Variants in COL17A1 observed in about 807,000 individuals in gnomAD.
COL17A1 encodes collagen type XVII alpha 1 chain.
COL17A1 carries 181 observed loss-of-function variants against 218.4 expected under a neutral mutation model. The observed-to-expected ratio is 0.83, with a 90% CI of 0.73 to 0.94. The LOEUF (loss-of-function observed/expected upper bound fraction) is 0.94. COL17A1 is among the 40% of genes least tolerant of loss of function. The probability of loss-of-function intolerance (pLI) is 0.00; values close to 1 mark genes in which losing one functional copy is unlikely to be tolerated. For missense variants in COL17A1, 1,924 were observed against 1,945.9 expected (o/e 0.99, Z 0.21); for synonymous variants, 721 against 731.0 (o/e 0.99, Z 0.22).
rs1414370355 is a variant in COL17A1 at position 104,034,057 on chromosome 10, C to T, written c.4044G>A (p.Gly1348=). ...GTDIGPGGGY[G]AAAEGGMYAG... ...CATACATGCCGCCTTCTGCTGCTGC[C>T]CCATAGCCTCCGCCTGGGCCGATGT... is the stretch of plus-strand genomic sequence containing the variant. Residue 1348 remains glycine (G), a synonymous_variant, in exon 52 of 56, where the codon GGG becomes GGA. Coordinates refer to ENST00000648076, the MANE Select transcript of COL17A1 (RefSeq NM_000494.4). 1.2e-6 allele frequency: 2 copies of T among 1,614,142 alleles called. No individual in the cohort carries two copies. Among genetic ancestry groups the T allele is most frequent in the South Asian group, 1.1e-5 (1 of 91,092 alleles).
intron 3 of COL17A1, among the ~76,000 whole-genome samples, chr10:104,078,300 T>C (rs1415422715): frequency 6.6e-6 from 1 of 152,152 alleles, no homozygotes; most frequent in Non-Finnish European, 1.5e-5. Flanking sequence ...TCACTTCTTT[T>C]TGTGGAGCCA....
At chr10:104,042,519 G>T in intron 35 of COL17A1, 64 bp from the exon 36 acceptor site, 1 of 1,524,098 alleles carries the variant, frequency 6.6e-7, no homozygotes, top group Non-Finnish European at 9.1e-7. Flanking sequence ...AAGAACTAAA[G>T]GCATAATTCC....
At chr10:104,068,696 C>T (rs1564684138) in intron 9 of COL17A1, among the ~76,000 whole-genome samples, 1 of 152,208 alleles carries the variant, frequency 6.6e-6, no homozygotes, top group Non-Finnish European at 1.5e-5. Context: ...TAAAAAGCCT[C>T]TTGCTTCTAG....
In COL17A1 at chr10:104,076,431, T is replaced by A; in HGVS notation, c.203-2A>T. ...AGGCATGGCCTCGTGTGCTTCCAGC[T>A]GCAAGAGGGAAAAAGCATAAGTTCT... is the stretch of plus-strand genomic sequence containing the variant. On this transcript the variant is annotated splice_acceptor_variant, in intron 4 of 55. Coordinates refer to ENST00000648076, the MANE Select transcript of COL17A1 (RefSeq NM_000494.4). LOFTEE classifies it high-confidence loss of function. 6.2e-7 allele frequency: 1 copy of A among 1,613,982 alleles called. No individual in the cohort carries two copies. The highest frequency in any genetic ancestry group is 8.5e-7 in the Non-Finnish European group (1 of 1,179,896).
At chr10:104,050,706 C>T (rs1201906914) in intron 26 of COL17A1, 50 bp from the exon 27 acceptor site, 2 of 1,614,130 alleles carry the variant, frequency 1.2e-6, no homozygotes, top group Non-Finnish European at 1.7e-6. Flanking sequence ...AAGGGACAAC[C>T]AGGAAGGGGC....
At chr10:104,082,711 C>G (rs2086775502) in intron 1 of COL17A1, among the ~76,000 whole-genome samples, 2 of 152,208 alleles carry the variant, frequency 1.3e-5, no homozygotes, top group Admixed American at 6.5e-5. Context: ...GATCATGACT[C>G]TGTTTGCTAA....
chr10:104,066,806 G>T (rs1464651763), intron 9 of COL17A1, among the ~76,000 whole-genome samples: 1 of 152,206 alleles, frequency 6.6e-6, no homozygotes, highest in Non-Finnish European at 1.5e-5. Context: ...AGGACATTGA[G>T]AATTTCCCTA....
chr10:104,061,517 G>T, intron 12 of COL17A1, 44 bp from the exon 13 acceptor site: 16 of 1,588,800 alleles, frequency 1.0e-5, no homozygotes, highest in Non-Finnish European at 1.4e-5. Context: ...GTGGTTCCAG[G>T]TGACTCAGGA....
At chr10:104,070,779 ATCT>A (rs1027665082) in intron 8 of COL17A1, among the ~76,000 whole-genome samples, 19 of 152,200 alleles carry the variant, frequency 1.2e-4, no homozygotes, top group Non-Finnish European at 1.5e-4. Flanking sequence ...AGCCTCAAAA[ATCT>A]TCTGCGTCTC....
chr10:104,039,794 A>G (rs1367442999), intron 41 of COL17A1, among the ~76,000 whole-genome samples, 154 bp from the exon 42 acceptor site: 10 of 138,608 alleles, frequency 7.2e-5, no homozygotes, highest in Non-Finnish European at 9.1e-5. Context: ...ACACACACAC[A>G]CGCACACGCA....
intron 45 of COL17A1, 48 bp downstream of exon 45, chr10:104,038,356 CTG>C: frequency 6.2e-7 from 1 of 1,612,548 alleles, no homozygotes; most frequent in Non-Finnish European, 8.5e-7. Flanking sequence ...TGCAAAGAGA[CTG>C]TATCTCCATG....
intron 50 of COL17A1, among the ~76,000 whole-genome samples, chr10:104,035,006 C>T (rs548116105): frequency 3.3e-5 from 5 of 152,330 alleles, no homozygotes; most frequent in African/African-American, 9.6e-5. Flanking sequence ...CAACTCAGCC[C>T]TCCAGTCACT....
chr10:104,047,000 G>A (rs1032120661), intron 31 of COL17A1, among the ~76,000 whole-genome samples: 1 of 152,298 alleles, frequency 6.6e-6, no homozygotes. Flanking sequence ...TCAGGCAATG[G>A]TGCTGAGCCT....
In COL17A1 at chr10:104,033,959, GA is replaced by G; in HGVS notation, c.4141del (p.Ser1381GlnfsTer42). ...TCCCCACTTACGCTGCATGCTCTCT[GA>G]CACCCTCACAGCCAGCTCATTGTAA... ...LDYNELAVRVSESMQRQGLLQ... is the reference protein window; with the variant it reads ...LDYNELAVRVXESMQRQGLLQ... On this transcript the variant is annotated frameshift_variant, in exon 52 of 56. Coordinates refer to ENST00000648076, the MANE Select transcript of COL17A1 (RefSeq NM_000494.4). LOFTEE classifies it high-confidence loss of function. The G allele has an allele frequency of 6.2e-7, 1 of 1,614,182 alleles. No homozygotes were observed. The highest frequency in any genetic ancestry group is 8.5e-7 in the Non-Finnish European group (1 of 1,180,036).
chr10:104,039,992 T>C lies in COL17A1; in HGVS notation c.2769A>G (p.Pro923=). The C allele has an allele frequency of 1.9e-6, 3 of 1,614,114 alleles. No individual in the cohort carries two copies. The highest frequency in any genetic ancestry group is 2.5e-6 in the Non-Finnish European group (3 of 1,180,026). ...PPGPKGDQGP[P]GPRGHQGEQG... ...CTGTACCTTGGTGTCCTCTGGGGCC[T>C]GGGGGACCTGAGGGAAAAAGGCAGA... The change falls in exon 41 of 56, where the codon CCA becomes CCG. Residue 923 remains proline, a synonymous_variant. Coordinates refer to ENST00000648076, the MANE Select transcript of COL17A1 (RefSeq NM_000494.4).
chr10:104,061,580 G>C, intron 12 of COL17A1, 107 bp from the exon 13 acceptor site: 1 of 874,174 alleles, frequency 1.1e-6, no homozygotes, highest in Non-Finnish European at 1.9e-6. Flanking sequence ...CCAGTGAGAA[G>C]CAGATGATGA....
intron 9 of COL17A1, among the ~76,000 whole-genome samples, chr10:104,066,728 A>G (rs1295924503): frequency 6.6e-6 from 1 of 152,234 alleles, no homozygotes; most frequent in Non-Finnish European, 1.5e-5. Flanking sequence ...GGGATCATAA[A>G]GAAGCTAAAC....
chr10:104,046,652 G>C (rs2086413148), intron 32 of COL17A1, 95 bp downstream of exon 32: 1 of 1,237,880 alleles, frequency 8.1e-7, no homozygotes, highest in African/African-American at 1.5e-5. Flanking sequence ...TGGTGGAGGA[G>C]AGGAAACTCT....
chr10:104,078,796 T>A (rs999806736), intron 2 of COL17A1, among the ~76,000 whole-genome samples: 2 of 152,234 alleles, frequency 1.3e-5, no homozygotes, highest in African/African-American at 4.8e-5. Flanking sequence ...GAAAATAAGT[T>A]TATATCTCTT....
Sources: gnomAD v4.1 joint callset for allele counts (sites outside exome capture counted in the v4.1 genomes callset) on GRCh38, gnomAD v4.1.1 for gene constraint, MANE v1.5 for transcripts, NCBI Gene and HGNC (gene_info 2026-07-23, HGNC 2026-07-21) for gene names.